IQGAP2: variants seen among roughly 807,000 people sequenced by gnomAD.
IQGAP2 encodes IQ motif containing GTPase activating protein 2.
In IQGAP2, 173 loss-of-function variants were observed where a neutral mutation model predicts 201.3. The observed-to-expected ratio is 0.86, with a 90% CI of 0.76 to 0.98. IQGAP2 has a LOEUF of 0.98. IQGAP2 is among the 50% of genes least tolerant of loss of function. The probability of loss-of-function intolerance (pLI) is 0.00; values close to 1 mark genes in which losing one functional copy is unlikely to be tolerated. For synonymous variants in IQGAP2, 675 were observed against 673.9 expected (o/e 1.00, Z -0.03); for missense variants, 1,687 against 1,864.8 (o/e 0.90, Z 1.76).
Position 76,466,669 on chromosome 5 carries a change from G to T in IQGAP2, c.146+5000G>T, listed in dbSNP as rs537045001. Among the ~76,000 whole-genome samples, 5 of 152,200 alleles carry T rather than the reference G, an allele frequency of 3.3e-5. No homozygotes were observed. In the East Asian group the frequency reaches 7.7e-4, roughly 23 times the overall value. ...GTCTACATACATAAAAATGAATTTG[G>T]ACCTCTGCCTCACACCGTATACAAA... On this transcript the variant is annotated intron_variant, in intron 2 of 35. Transcript: ENST00000274364.
intron 2 of IQGAP2, among the ~76,000 whole-genome samples, chr5:76,511,681 G>GTT (rs1314944970): frequency 4.4e-5 from 5 of 112,792 alleles, no homozygotes; most frequent in African/African-American, 1.8e-4. Flanking sequence ...GTTTTGTTTT[G>GTT]TTTTGTTTTT....
At chr5:76,455,729 G>T (rs1327057837) in intron 1 of IQGAP2, among the ~76,000 whole-genome samples, 2 of 152,104 alleles carry the variant, frequency 1.3e-5, no homozygotes, top group African/African-American at 2.4e-5. Context: ...AACAAAGAGG[G>T]TATTGGCAGC....
intron 1 of IQGAP2, among the ~76,000 whole-genome samples, chr5:76,404,824 CA>C (rs564036601): frequency 2.2e-3 from 330 of 151,270 alleles, no homozygotes; most frequent in African/African-American, 7.1e-3. Context: ...ACACAGACAG[CA>C]GAGCCTCTTG....
chr5:76,617,831 G>A (rs201640652), intron 13 of IQGAP2: 136 of 1,613,730 alleles, frequency 8.4e-5, no homozygotes, highest in Middle Eastern at 1.6e-4. Context: ...ATCTATGATC[G>A]TATGCATTAA....
chr5:76,549,735 C>T (rs1219095304), intron 2 of IQGAP2, among the ~76,000 whole-genome samples: 7 of 152,078 alleles, frequency 4.6e-5, no homozygotes, highest in Non-Finnish European at 1.0e-4. Flanking sequence ...CCTCTATGAG[C>T]GTTCAGCCCT....
In IQGAP2 at chr5:76,496,745, C is replaced by CTTTCT. The variant is rs1580321537; in HGVS notation, c.146+35079_146+35083dup. Among the ~76,000 whole-genome samples, 20 of 51,102 alleles carry CTTTCT rather than the reference C, an allele frequency of 3.9e-4. 2 individuals are homozygous for CTTTCT. The highest frequency in any genetic ancestry group is 1.0e-3 in the African/African-American group (10 of 9,858). The allele number at this position is 51,102 out of a possible 152,430, so 33.5% of individuals were successfully genotyped here. ...CTTTCTTTTCTTTCTTTCTTTCTTT[C>CTTTCT]TTTCTTTCTTTCTTTCTTTCTTTCT... On this transcript the variant is annotated intron_variant, in intron 2 of 35. Coordinates refer to ENST00000274364, the MANE Select transcript of IQGAP2 (RefSeq NM_006633.5).
intron 28 of IQGAP2, among the ~76,000 whole-genome samples, chr5:76,681,532 T>TAA (rs35266891): frequency 7.0e-6 from 1 of 141,856 alleles, no homozygotes; most frequent in African/African-American, 2.6e-5. Flanking sequence ...TATCAAAATT[T>TAA]AAAAAAAAAA....
Position 76,673,468 on chromosome 5 carries a change from A to C in IQGAP2, c.3088A>C (p.Thr1030Pro). ...TTTCAGCAAGTTGCCTTATGATGTG[A>C]CCACAGAACAAGCTCTAACATACCC... ...GEASKLPYDV[T>P]TEQALTYPEV... is the part of the protein sequence containing the mutation. The change falls in exon 25 of 36, where the codon ACC becomes CCC. Residue 1030 changes from threonine to proline, a missense_variant. Thr to Pro is a conservative substitution (Grantham distance 38, BLOSUM62 -1). Transcript: ENST00000274364. The C allele has an allele frequency of 6.2e-7, 1 of 1,613,876 alleles. No homozygotes were observed. The highest frequency in any genetic ancestry group is 8.5e-7 in the Non-Finnish European group (1 of 1,179,856).
intron 8 of IQGAP2, 39 bp downstream of exon 8, chr5:76,590,625 G>A: frequency 6.8e-7 from 1 of 1,479,146 alleles, no homozygotes; most frequent in Non-Finnish European, 9.2e-7. Flanking sequence ...TAATGAATGT[G>A]CTTATGAGTT....
intron 5 of IQGAP2, among the ~76,000 whole-genome samples, chr5:76,587,187 A>G (rs1180534651): frequency 1.3e-5 from 2 of 152,244 alleles, no homozygotes; most frequent in African/African-American, 4.8e-5. Context: ...TCTCATATAA[A>G]AGGAAAAAGG....
chr5:76,477,866 T>C (rs574686079), intron 2 of IQGAP2, among the ~76,000 whole-genome samples: 1 of 109,390 alleles, frequency 9.1e-6, no homozygotes, highest in African/African-American at 3.9e-5. Flanking sequence ...AGCAAAAAAG[T>C]TTAAAAAGTA....
chr5:76,575,224 A>ATGTGTG (rs10657778), intron 4 of IQGAP2, among the ~76,000 whole-genome samples: 1 of 151,484 alleles, frequency 6.6e-6, no homozygotes, highest in South Asian at 2.1e-4. Context: ...GATTTTTTAA[A>ATGTGTG]TGTGTGTGTG....
At chr5:76,543,491 G>A (rs919471370) in intron 2 of IQGAP2, among the ~76,000 whole-genome samples, 5 of 152,160 alleles carry the variant, frequency 3.3e-5, no homozygotes, top group African/African-American at 1.2e-4. Flanking sequence ...CCTCCAGCAT[G>A]TTTCTCTGAG....
chr5:76,667,877 C>CTTTTTTTTTTTTTTTTTTTTTT (rs540744402), intron 22 of IQGAP2, among the ~76,000 whole-genome samples: 8 of 123,422 alleles, frequency 6.5e-5, no homozygotes, highest in African/African-American at 2.5e-4. Flanking sequence ...AGTCCACTTT[C>CTTTTTTTTTTTTTTTTTTTTTT]TTTTTTTTTT....
intron 4 of IQGAP2, among the ~76,000 whole-genome samples, chr5:76,574,563 C>T (rs1745342006): frequency 6.6e-6 from 1 of 152,232 alleles, no homozygotes; most frequent in African/African-American, 2.4e-5. Flanking sequence ...GCCACTGCAC[C>T]TGGCCTGAAA....
intron 2 of IQGAP2, among the ~76,000 whole-genome samples, chr5:76,514,427 T>C (rs1023176037): frequency 7.2e-5 from 11 of 152,186 alleles, no homozygotes; most frequent in African/African-American, 2.7e-4. Context: ...CTTTTCCTTA[T>C]CTGTTTTCTC....
intron 1 of IQGAP2, among the ~76,000 whole-genome samples, chr5:76,409,185 A>C (rs1362051151): frequency 6.6e-6 from 1 of 151,586 alleles, no homozygotes; most frequent in Admixed American, 6.6e-5. Context: ...TAGATGCATA[A>C]AGTTGATTTT....
chr5:76,641,966 G>A (rs556578974), intron 17 of IQGAP2, among the ~76,000 whole-genome samples: 35 of 152,198 alleles, frequency 2.3e-4, no homozygotes, highest in African/African-American at 7.5e-4. Context: ...CTTGTATCTT[G>A]CACATGATAG....
chr5:76,412,569 A>G (rs1751183138), intron 1 of IQGAP2, among the ~76,000 whole-genome samples: 1 of 152,196 alleles, frequency 6.6e-6, no homozygotes, highest in African/African-American at 2.4e-5. Context: ...AAATAAGTAG[A>G]CTTGATTTGC....
Sources: allele counts gnomAD v4.1 joint callset (sites outside exome capture counted in the v4.1 genomes callset), GRCh38; gene constraint gnomAD v4.1.1; transcripts MANE v1.5; gene names NCBI Gene and HGNC (gene_info 2026-07-23, HGNC 2026-07-21).